KPNA3: variants seen among roughly 807,000 people sequenced by gnomAD.
KPNA3 encodes the protein karyopherin subunit alpha 3.
KPNA3 carries 13 observed loss-of-function variants against 73.8 expected under a neutral mutation model. The ratio of observed to expected loss-of-function variants is 0.18; its 90% CI spans 0.11 to 0.28. The LOEUF is 0.28. Among genes scored for constraint, KPNA3 ranks in the 10% least tolerant of loss-of-function variants. The probability of loss-of-function intolerance (pLI) is 1.00; values close to 1 mark genes in which losing one functional copy is unlikely to be tolerated. For missense variants in KPNA3, 360 were observed against 618.1 expected, an observed-to-expected ratio of 0.58 and a Z score of 4.43; for synonymous variants, 186 against 206.9, an observed-to-expected ratio of 0.90 and a Z score of 0.87.
chr13:49,734,934 T>TAGAGAGAGAGAGAGAG (rs1345135818), intron 2 of KPNA3, among the ~76,000 whole-genome samples: 43 of 93,452 alleles, frequency 4.6e-4, no homozygotes, highest in Non-Finnish European at 8.9e-4. Flanking sequence ...TATATATATA[T>TAGAGAGAGAGAGAGAG]ATATAGAGAG....
At chr13:49,788,355 A>G (rs1594467098) in intron 1 of KPNA3, among the ~76,000 whole-genome samples, 1 of 152,230 alleles carries the variant, frequency 6.6e-6, no homozygotes, top group Non-Finnish European at 1.5e-5. Context: ...ACACTTTTCT[A>G]TAAGTTATCT....
intron 1 of KPNA3, among the ~76,000 whole-genome samples, chr13:49,782,553 T>G (rs544362168): frequency 6.6e-6 from 1 of 152,144 alleles, no homozygotes; most frequent in African/African-American, 2.4e-5. Flanking sequence ...TTATAATCTT[T>G]GGCACCTAAT....
intron 1 of KPNA3, among the ~76,000 whole-genome samples, chr13:49,787,551 G>A (rs1954993565): frequency 6.6e-6 from 1 of 152,158 alleles, no homozygotes; most frequent in African/African-American, 2.4e-5. Context: ...CTGTCGCCCA[G>A]ACTTGAGTGC....
At chr13:49,711,050 T>C (rs770060583) in intron 10 of KPNA3, 28 bp from the exon 11 acceptor site, 1 of 1,586,172 alleles carries the variant, frequency 6.3e-7, no homozygotes, top group South Asian at 1.2e-5. Context: ...GAAAAACCAT[T>C]TTACATATTT....
intron 1 of KPNA3, among the ~76,000 whole-genome samples, chr13:49,780,193 G>C (rs1954929810): frequency 6.6e-6 from 1 of 152,010 alleles, no homozygotes; most frequent in South Asian, 2.1e-4. Flanking sequence ...ACCCCCAACT[G>C]ATTTCATAAA....
intron 1 of KPNA3, among the ~76,000 whole-genome samples, chr13:49,769,138 T>C (rs879566286): frequency 1.3e-5 from 2 of 151,076 alleles, no homozygotes; most frequent in Non-Finnish European, 2.9e-5. Context: ...TTGTTATCTA[T>C]AGGAAGGTAA....
At chr13:49,788,489 G>A (rs997025375) in intron 1 of KPNA3, among the ~76,000 whole-genome samples, 4 of 152,096 alleles carry the variant, frequency 2.6e-5, no homozygotes, top group Non-Finnish European at 4.4e-5. Context: ...AGAGGCCAAG[G>A]CAGGAGGATA....
intron 2 of KPNA3, among the ~76,000 whole-genome samples, chr13:49,736,653 C>G (rs1954523713): frequency 6.6e-6 from 1 of 152,154 alleles, no homozygotes; most frequent in African/African-American, 2.4e-5. Context: ...TTGATACAAT[C>G]CACTTATTTT....
At chr13:49,739,931 T>C (rs1261518629) in intron 2 of KPNA3, among the ~76,000 whole-genome samples, 3 of 152,188 alleles carry the variant, frequency 2.0e-5, no homozygotes, top group Non-Finnish European at 4.4e-5. Context: ...CTGAAATATG[T>C]ATAAGCTGTG....
chr13:49,789,969 G>A (rs759739727), intron 1 of KPNA3, among the ~76,000 whole-genome samples: 13 of 151,728 alleles, frequency 8.6e-5, no homozygotes, highest in Non-Finnish European at 1.6e-4. Flanking sequence ...ATGCATTTTC[G>A]GAATACTATA....
chr13:49,785,338 C>A lies in KPNA3; in HGVS notation c.69+7100G>T, dbSNP rs112512078. On this transcript the variant is annotated intron_variant, in intron 1 of 16. Transcript: ENST00000261667. ...AAAATCCAGAGACAGCACAGAGATT[C>A]GAGCTACATAACTGGCATCTGACTG... is the stretch of plus-strand genomic sequence containing the variant. 3.6e-3 allele frequency among the ~76,000 whole-genome samples: 543 copies of A among 152,168 alleles called. 1 individual carries two copies. The highest frequency in any genetic ancestry group is 0.013 in the African/African-American group (528 of 41,506).
chr13:49,738,353 C>T (rs1273975214), intron 2 of KPNA3, among the ~76,000 whole-genome samples: 1 of 152,114 alleles, frequency 6.6e-6, no homozygotes, highest in Non-Finnish European at 1.5e-5. Flanking sequence ...TGTGTCTTTC[C>T]ATACACATTT....
At position 49,761,887 on chromosome 13, in the gene KPNA3, C is replaced by T. The variant is rs184469987; in HGVS notation, c.70-14894G>A. On this transcript the variant is annotated intron_variant, in intron 1 of 16. Transcript: ENST00000261667. ...GATGTGAGGAGCGCCTCTGCCCAGCCACGACTCCGTCTGTGAGGTGAGGAG... is the reference window on the plus strand; with the variant it reads ...GATGTGAGGAGCGCCTCTGCCCAGCTACGACTCCGTCTGTGAGGTGAGGAG... Among the ~76,000 whole-genome samples, 810 of 151,700 alleles carry T rather than the reference C, an allele frequency of 5.3e-3. 5 individuals carry two copies. Among genetic ancestry groups the T allele is most frequent in the Admixed American group, 8.9e-3 (136 of 15,274 alleles).
intron 2 of KPNA3, among the ~76,000 whole-genome samples, chr13:49,736,262 C>T (rs900723819): frequency 5.3e-5 from 8 of 152,072 alleles, no homozygotes; most frequent in Non-Finnish European, 1.2e-4. Context: ...AATGATATTA[C>T]TGCTGGGTGA....
At chr13:49,742,474 GTGTTTT>G (rs1301547387) in intron 2 of KPNA3, among the ~76,000 whole-genome samples, 7 of 151,314 alleles carry the variant, frequency 4.6e-5, no homozygotes, top group African/African-American at 1.7e-4. Flanking sequence ...TTCTGTGTGT[GTGTTTT>G]TATGTCTCTA....
At chr13:49,759,633 A>G (rs1954741677) in intron 1 of KPNA3, among the ~76,000 whole-genome samples, 1 of 152,220 alleles carries the variant, frequency 6.6e-6, no homozygotes, top group African/African-American at 2.4e-5. Context: ...ACATGCACCT[A>G]GATCACTCGC....
rs386379154 is a variant in KPNA3, at chr13:49,709,398, C to CAA, written c.1032+172_1032+173dup. 2.7e-3 allele frequency among the ~76,000 whole-genome samples: 263 copies of CAA among 97,584 alleles called. 6 individuals are homozygous for CAA. Among genetic ancestry groups the CAA allele is most frequent in the African/African-American group, 9.0e-3 (220 of 24,512 alleles). 64.0% of individuals were successfully genotyped at this position (97,584 alleles called of 152,430 possible). A position where few individuals can be genotyped will look rare whatever the true frequency, so the allele number is the denominator to read the frequency against. ...CCTAGGCAACAGACAGACTCTGTCT[C>CAA]AAAAAAAAAAAAAAAAAAGTTGAAG... On this transcript the variant is annotated intron_variant, in intron 12 of 16. Transcript: ENST00000261667.
At chr13:49,740,938 T>C (rs139368702) in intron 2 of KPNA3, among the ~76,000 whole-genome samples, 177 of 152,310 alleles carry the variant, frequency 1.2e-3, no homozygotes, top group African/African-American at 3.9e-3. Flanking sequence ...GGTAATGTAA[T>C]GTCCTCCAAG....
At chr13:49,743,578 CAAA>C (rs150375280) in intron 2 of KPNA3, among the ~76,000 whole-genome samples, 4 of 94,182 alleles carry the variant, frequency 4.2e-5, no homozygotes, top group Admixed American at 1.1e-4. Flanking sequence ...TAATGTTAGC[CAAA>C]AAAAAAAAAA....
Sources: allele counts gnomAD v4.1 joint callset (sites outside exome capture counted in the v4.1 genomes callset), GRCh38; gene constraint gnomAD v4.1.1; transcripts MANE v1.5; gene names NCBI Gene and HGNC (gene_info 2026-07-23, HGNC 2026-07-21).